IGF1R: variants seen among roughly 807,000 people sequenced by gnomAD.
The protein encoded by IGF1R is insulin like growth factor 1 receptor, also known as insulin-like growth factor 1 receptor.
In IGF1R, 44 loss-of-function variants were observed where a neutral mutation model predicts 144.6. The ratio of observed to expected loss-of-function variants is 0.30; its 90% CI spans 0.24 to 0.39. The LOEUF is 0.39. Ranked by LOEUF, IGF1R falls within the 10% of genes least tolerant of loss-of-function variation. The pLI is 1.00. For missense variants in IGF1R, 1,355 were observed against 1,833.7 expected (o/e 0.74, Z 4.77); for synonymous variants, 795 against 722.8 (o/e 1.10, Z -1.60).
chr15:98,661,815 G>T (rs368428770), intron 1 of IGF1R, among the ~76,000 whole-genome samples: 3 of 152,282 alleles, frequency 2.0e-5, no homozygotes, highest in African/African-American at 7.2e-5. Flanking sequence ...AGCAAACCTG[G>T]CAAATAGAAA....
rs551064062 is a variant in IGF1R, at chr15:98,844,357, A to G, written c.641-46968A>G. ...ATTTATACGTTGGGATAAGAGAACCATGAGAAAAGGTATATTCTAAGTCCT... is the reference window on the plus strand; with the variant it reads ...ATTTATACGTTGGGATAAGAGAACCGTGAGAAAAGGTATATTCTAAGTCCT... On this transcript the variant is annotated intron_variant, in intron 2 of 20. Transcript: ENST00000650285. Among the ~76,000 whole-genome samples, 6 of 152,316 alleles carry G rather than the reference A, an allele frequency of 3.9e-5. 1 individual carries two copies. Among genetic ancestry groups the G allele is most frequent in the Admixed American group, 2.0e-4 (3 of 15,304 alleles).
intron 13 of IGF1R, among the ~76,000 whole-genome samples, chr15:98,929,128 G>A (rs771804796): frequency 3.3e-5 from 5 of 152,156 alleles, no homozygotes; most frequent in East Asian, 1.9e-4. Context: ...CACAAAGACC[G>A]CTTACCAACA....
At chr15:98,714,421 A>C (rs1225639577) in intron 2 of IGF1R, among the ~76,000 whole-genome samples, 1 of 152,194 alleles carries the variant, frequency 6.6e-6, no homozygotes, top group Non-Finnish European at 1.5e-5. Flanking sequence ...AGGCAGGAGG[A>C]TCGCTTGAGT....
At chr15:98,757,434 G>T (rs1179912159) in intron 2 of IGF1R, among the ~76,000 whole-genome samples, 2 of 152,104 alleles carry the variant, frequency 1.3e-5, no homozygotes, top group East Asian at 3.8e-4. Context: ...AAAGTGCTGG[G>T]ATTACAGGTG....
chr15:98,769,168 A>T (rs1411362341), intron 2 of IGF1R, among the ~76,000 whole-genome samples: 1 of 152,194 alleles, frequency 6.6e-6, no homozygotes, highest in African/African-American at 2.4e-5. Context: ...TTTAGACAGG[A>T]AGATTCTTGA....
Position 98,957,696 on chromosome 15 carries a change from A to ACAACACTTAATAG in IGF1R, c.*260_*272dup, listed in dbSNP as rs1342168338. On this transcript the variant is annotated 3_prime_UTR_variant, in exon 21 of 21. Transcript: ENST00000650285. ...ACATGGGCCTTTAAGAACCTTAATG[A>ACAACACTTAATAG]CAACACTTAATAGCAACAGAGCACT... The ACAACACTTAATAG allele has an allele frequency of 4.0e-5, 23 of 573,258 alleles. 1 individual carries two copies. Among genetic ancestry groups the ACAACACTTAATAG allele is most frequent in the Middle Eastern group, 4.6e-4 (1 of 2,154 alleles). The allele number at this position is 573,258 out of a possible 1,614,324, so 35.5% of individuals were successfully genotyped here. A position where few individuals can be genotyped will look rare whatever the true frequency, so the allele number is the denominator to read the frequency against.
chr15:98,728,539 A>T (rs1008036300), intron 2 of IGF1R, among the ~76,000 whole-genome samples: 1 of 152,252 alleles, frequency 6.6e-6, no homozygotes, highest in Admixed American at 6.5e-5. Context: ...GTCTCATGAC[A>T]TGTGCTTTGC....
chr15:98,899,986 A>T (rs2014399876), intron 5 of IGF1R, among the ~76,000 whole-genome samples: 1 of 151,670 alleles, frequency 6.6e-6, no homozygotes, highest in Non-Finnish European at 1.5e-5. Flanking sequence ...TGTTCGCGCG[A>T]CCCTCATCTG....
At chr15:98,845,284 A>G (rs762356208) in intron 2 of IGF1R, among the ~76,000 whole-genome samples, 9 of 152,180 alleles carry the variant, frequency 5.9e-5, no homozygotes, top group Admixed American at 1.3e-4. Flanking sequence ...AGGGCATGAT[A>G]ACCTTTGAGG....
Position 98,963,153 on chromosome 15 carries a change from C to T in IGF1R, c.*5711C>T, listed in dbSNP as rs752623059. ...TAAAATGTTTGTAGTTTATAATTGC[C>T]GAAAATAATTTAAAGACACTTTTTT... On this transcript the variant is annotated 3_prime_UTR_variant, in exon 21 of 21. Transcript: ENST00000650285. The T allele has an allele frequency of 3.0e-5, 7 of 230,978 alleles. No homozygotes were observed. Among genetic ancestry groups the T allele is most frequent in the African/African-American group, 4.5e-5 (2 of 44,586 alleles). 14.3% of individuals were successfully genotyped at this position (230,978 alleles called of 1,614,324 possible).
chr15:98,890,994 A>C (rs2013879863), intron 2 of IGF1R, among the ~76,000 whole-genome samples: 1 of 152,210 alleles, frequency 6.6e-6, no homozygotes, highest in Non-Finnish European at 1.5e-5. Flanking sequence ...CCCACGCCTG[A>C]GGCAACCCTC....
intron 1 of IGF1R, among the ~76,000 whole-genome samples, chr15:98,685,284 C>T (rs989888085): frequency 1.3e-5 from 2 of 152,170 alleles, no homozygotes; most frequent in African/African-American, 4.8e-5. Context: ...CTGTGCTTGC[C>T]TTTGCAGTCC....
rs142804232 is a variant in IGF1R, at chr15:98,704,888, C to A, written c.95-2674C>A. On this transcript the variant is annotated intron_variant, in intron 1 of 20. Transcript: ENST00000650285. The surrounding 1 kb of genome is among the most constrained non-coding windows in gnomAD (Gnocchi z 4.9). ...GGAAGCCCTGAGGTCTGTTGCTGGACTAGATATGTGAGGTGTGAGAGGAGA... is the reference window on the plus strand; with the variant it reads ...GGAAGCCCTGAGGTCTGTTGCTGGAATAGATATGTGAGGTGTGAGAGGAGA... Among the ~76,000 whole-genome samples, 172 of 152,208 alleles carry A rather than the reference C, an allele frequency of 1.1e-3. 1 individual carries two copies. The highest frequency in any genetic ancestry group is 4.0e-3 in the African/African-American group (165 of 41,518).
Position 98,704,413 on chromosome 15 carries a change from G to A in IGF1R, c.95-3149G>A, listed in dbSNP as rs1025421061. Among the ~76,000 whole-genome samples, 2 of 152,094 alleles carry A rather than the reference G, an allele frequency of 1.3e-5. No homozygotes were observed. Among genetic ancestry groups the A allele is most frequent in the Non-Finnish European group, 2.9e-5 (2 of 68,012 alleles). Reference sequence around the variant, plus strand: ...ACTGTGGGCGGCAGGGTATCACAGAGGAGGAGCTCGGTGTGTTGGAGGTTG... The same window carrying A: ...ACTGTGGGCGGCAGGGTATCACAGAAGAGGAGCTCGGTGTGTTGGAGGTTG... On this transcript the variant is annotated intron_variant, in intron 1 of 20. Transcript: ENST00000650285. This position sits in a 1 kb window ranked among gnomAD's most constrained non-coding sequence, Gnocchi z 4.9.
intron 15 of IGF1R, among the ~76,000 whole-genome samples, chr15:98,932,515 G>A (rs188036889): frequency 7.6e-4 from 115 of 152,280 alleles, no homozygotes; most frequent in African/African-American, 2.4e-3. Context: ...AGGATTGAGC[G>A]TATTGACTTC....
chr15:98,769,734 T>C (rs1322455721), intron 2 of IGF1R, among the ~76,000 whole-genome samples: 1 of 152,236 alleles, frequency 6.6e-6, no homozygotes, highest in African/African-American at 2.4e-5. Context: ...ATTGTTGACA[T>C]GGTTATTTTC....
chr15:98,671,715 C>T (rs887563046), intron 1 of IGF1R, among the ~76,000 whole-genome samples: 1 of 152,214 alleles, frequency 6.6e-6, no homozygotes, highest in Non-Finnish European at 1.5e-5. Flanking sequence ...CTTCCTGATT[C>T]ATAGCTTCCA....
At chr15:98,770,512 T>G (rs921355386) in intron 2 of IGF1R, among the ~76,000 whole-genome samples, 5 of 152,162 alleles carry the variant, frequency 3.3e-5, no homozygotes, top group African/African-American at 1.2e-4. Flanking sequence ...ATGATGGATA[T>G]CCTAATTATT....
chr15:98,810,962 C>T (rs537798202), intron 2 of IGF1R, among the ~76,000 whole-genome samples: 2 of 152,252 alleles, frequency 1.3e-5, no homozygotes, highest in South Asian at 4.1e-4. Context: ...CACAGTCATA[C>T]TCATTTGCTT....
Sources: gnomAD v4.1 joint callset for allele counts (sites outside exome capture counted in the v4.1 genomes callset) on GRCh38, gnomAD v4.1.1 for gene constraint, Gnocchi (gnomAD v3.1) non-coding constraint, MANE v1.5 for transcripts, NCBI Gene and HGNC (gene_info 2026-07-23, HGNC 2026-07-21) for gene names.